Variants in GRIK2 observed in about 807,000 individuals in gnomAD.
GRIK2 encodes the protein glutamate ionotropic receptor kainate type subunit 2.
Under a neutral mutation model 100.3 loss-of-function variants are expected in GRIK2, and 32 were observed. The ratio of observed to expected loss-of-function variants is 0.32; its 90% confidence interval spans 0.24 to 0.43. The LOEUF (loss-of-function observed/expected upper bound fraction) is 0.43. GRIK2 is among the 20% of genes least tolerant of loss of function. The pLI, the probability that GRIK2 is intolerant of heterozygous loss-of-function variation, is 1.00. For missense variants in GRIK2, 843 were observed against 1,114.9 expected (o/e 0.76, Z 3.47); for synonymous variants, 417 against 389.4 (o/e 1.07, Z -0.83).
At chr6:101,767,042 A>G (rs993842391) in intron 7 of GRIK2, among the ~76,000 whole-genome samples, 2 of 152,180 alleles carry the variant, frequency 1.3e-5, no homozygotes, top group South Asian at 2.1e-4. Context: ...TTGACTTTAC[A>G]TATGAAAAGA....
At chr6:101,759,567 C>T (rs1033227796) in intron 7 of GRIK2, among the ~76,000 whole-genome samples, 1 of 152,112 alleles carries the variant, frequency 6.6e-6, no homozygotes, top group Non-Finnish European at 1.5e-5. Context: ...GGAGAGGTTA[C>T]TGTTTACCAG....
At chr6:101,755,736 A>C (rs1777097393) in intron 7 of GRIK2, among the ~76,000 whole-genome samples, 1 of 152,214 alleles carries the variant, frequency 6.6e-6, no homozygotes, top group African/African-American at 2.4e-5. Flanking sequence ...GGAACAGAGC[A>C]GTATCAGATG....
Position 102,053,091 on chromosome 6 carries a change from A to AACAACACACAC in GRIK2, c.2312-2236_2312-2235insACACACACACA, listed in dbSNP as rs1554197943. On this transcript the variant is annotated intron_variant, in intron 15 of 16. Transcript: ENST00000369134. ...TACAAAGACAAACAACAACAACAAC[A>AACAACACACAC]ACACACACACACACACACACACATA... 5.0e-3 allele frequency among the ~76,000 whole-genome samples: 749 copies of AACAACACACAC among 149,364 alleles called. 5 individuals carry two copies. The highest frequency in any genetic ancestry group is 0.018 in the African/African-American group (731 of 40,670).
chr6:101,473,589 A>C (rs1212612303), intron 2 of GRIK2, among the ~76,000 whole-genome samples: 1 of 151,864 alleles, frequency 6.6e-6, no homozygotes, highest in Non-Finnish European at 1.5e-5. Context: ...TAACTATTCC[A>C]ATGACTAATT....
At chr6:101,475,026 C>T (rs938255533) in intron 2 of GRIK2, among the ~76,000 whole-genome samples, 3 of 151,776 alleles carry the variant, frequency 2.0e-5, no homozygotes, top group Non-Finnish European at 3.0e-5. Flanking sequence ...ATCATTTGTG[C>T]TTCTGAGATA....
intron 14 of GRIK2, among the ~76,000 whole-genome samples, chr6:101,989,361 G>A (rs1794228966): frequency 6.6e-6 from 1 of 151,656 alleles, no homozygotes. Flanking sequence ...GATTCTTACT[G>A]TACGAAAGGT....
At chr6:101,947,186 T>C (rs1200802115) in intron 14 of GRIK2, among the ~76,000 whole-genome samples, 1 of 152,166 alleles carries the variant, frequency 6.6e-6, no homozygotes, top group Non-Finnish European at 1.5e-5. Context: ...CTTGATCACT[T>C]GATACAACAC....
intron 15 of GRIK2, among the ~76,000 whole-genome samples, chr6:102,048,117 A>T (rs1404681168): frequency 6.6e-6 from 1 of 151,308 alleles, no homozygotes; most frequent in East Asian, 2.0e-4. Flanking sequence ...GGAAAAAAAC[A>T]GTTCTTCAAT....
At chr6:101,457,205 TC>T (rs1425166458) in intron 2 of GRIK2, among the ~76,000 whole-genome samples, 1 of 152,178 alleles carries the variant, frequency 6.6e-6, no homozygotes, top group Non-Finnish European at 1.5e-5. Context: ...TGTCTGTTTT[TC>T]CCTGTGTACA....
chr6:101,485,772 C>T (rs1457034282), intron 2 of GRIK2, among the ~76,000 whole-genome samples: 1 of 152,086 alleles, frequency 6.6e-6, no homozygotes, highest in African/African-American at 2.4e-5. Flanking sequence ...ATTATAGCAA[C>T]ATTTCTGCAT....
chr6:101,741,207 A>G (rs1385305679), intron 7 of GRIK2, among the ~76,000 whole-genome samples: 1 of 141,478 alleles, frequency 7.1e-6, no homozygotes, highest in Non-Finnish European at 1.5e-5. Context: ...TGGAATTTTA[A>G]ATAATTCACC....
intron 10 of GRIK2, among the ~76,000 whole-genome samples, chr6:101,842,046 G>C (rs1296388010): frequency 6.6e-6 from 1 of 152,116 alleles, no homozygotes; most frequent in Non-Finnish European, 1.5e-5. Flanking sequence ...CTTGAAGTTT[G>C]TTTCTATTAG....
intron 11 of GRIK2, among the ~76,000 whole-genome samples, chr6:101,874,700 T>A (rs1785687629): frequency 6.6e-6 from 1 of 151,690 alleles, no homozygotes; most frequent in South Asian, 2.1e-4. Flanking sequence ...TATGGCCATT[T>A]TCACGATATT....
intron 7 of GRIK2, among the ~76,000 whole-genome samples, chr6:101,731,008 C>T (rs1303175021): frequency 6.6e-6 from 1 of 151,924 alleles, no homozygotes; most frequent in East Asian, 1.9e-4. Flanking sequence ...CATTGAAATG[C>T]AAAATAGATG....
intron 11 of GRIK2, among the ~76,000 whole-genome samples, chr6:101,864,370 T>G (rs993890200): frequency 6.6e-6 from 1 of 152,166 alleles, no homozygotes; most frequent in African/African-American, 2.4e-5. Context: ...CCCCTCATGC[T>G]TCAGTGTATG....
At chr6:101,671,486 C>T (rs1318677637) in intron 4 of GRIK2, among the ~76,000 whole-genome samples, 4 of 152,082 alleles carry the variant, frequency 2.6e-5, no homozygotes, top group Non-Finnish European at 5.9e-5. Context: ...TTCACATCTG[C>T]TTCCTCATTC....
chr6:101,907,336 G>T (rs562869251), intron 12 of GRIK2, among the ~76,000 whole-genome samples: 1 of 151,628 alleles, frequency 6.6e-6, no homozygotes, highest in East Asian at 1.9e-4. Flanking sequence ...CGATAAAAGT[G>T]CATACAGCAT....
rs891392638 is a variant in GRIK2 at position 101,802,668 on chromosome 6, G to A, written c.1203+230G>A. Among the ~76,000 whole-genome samples, 3 of 151,910 alleles carry A rather than the reference G, an allele frequency of 2.0e-5. No individual in the cohort carries two copies. The East Asian group carries it at 5.8e-4, about 29-fold the overall frequency. On this transcript the variant is annotated intron_variant, in intron 9 of 16. Transcript: ENST00000369134. ...TTTTCTAACTAGAGATTTTTCTGAT[G>A]CATATAATGTTTGAAGTGCATATAA... is the stretch of plus-strand genomic sequence containing the variant.
At chr6:101,657,196 A>G (rs1344871341) in intron 4 of GRIK2, among the ~76,000 whole-genome samples, 1 of 152,106 alleles carries the variant, frequency 6.6e-6, no homozygotes, top group African/African-American at 2.4e-5. Context: ...CTTAATTCTC[A>G]TGTGTCTGGG....
Sources: allele counts gnomAD v4.1 joint callset (sites outside exome capture counted in the v4.1 genomes callset), GRCh38; gene constraint gnomAD v4.1.1; transcripts MANE v1.5; gene names NCBI Gene and HGNC (gene_info 2026-07-23, HGNC 2026-07-21).